CEP162: variants seen among roughly 807,000 people sequenced by gnomAD.
CEP162 encodes the protein centrosomal protein of 162 kDa.
CEP162 carries 141 observed loss-of-function variants against 169.2 expected under a neutral mutation model. The observed-to-expected ratio is 0.83, with a 90% CI of 0.73 to 0.96. CEP162 has a LOEUF of 0.96. CEP162 is among the 40% of genes least tolerant of loss of function. CEP162 has a pLI of 0.00. For synonymous variants in CEP162, 540 were observed against 526.4 expected (o/e 1.03, Z -0.35); for missense variants, 1,600 against 1,587.2 (o/e 1.01, Z -0.14).
At chr6:84,214,805 G>A (rs1322598274) in intron 5 of CEP162, among the ~76,000 whole-genome samples, 1 of 152,178 alleles carries the variant, frequency 6.6e-6, no homozygotes, top group Non-Finnish European at 1.5e-5. Flanking sequence ...ATAAAGAGAG[G>A]ACCAGTTCAG....
At chr6:84,216,584 A>C (rs2099551644) in intron 3 of CEP162, among the ~76,000 whole-genome samples, 1 of 152,200 alleles carries the variant, frequency 6.6e-6, no homozygotes, top group African/African-American at 2.4e-5. Flanking sequence ...CTCTAAGGCT[A>C]ATATATATTA....
At chr6:84,179,933 C>T (rs1380312685) in intron 13 of CEP162, among the ~76,000 whole-genome samples, 6 of 152,142 alleles carry the variant, frequency 3.9e-5, no homozygotes, top group African/African-American at 1.4e-4. Flanking sequence ...GAGCTGGTAC[C>T]ATTCCTTCTG....
chr6:84,164,214 G>A (rs2099526879), intron 18 of CEP162, among the ~76,000 whole-genome samples: 1 of 152,170 alleles, frequency 6.6e-6, no homozygotes, highest in African/African-American at 2.4e-5. Flanking sequence ...TGCTGGCAAG[G>A]ATGCGGAGAA....
In CEP162 at chr6:84,212,944, C is replaced by T; in HGVS notation, c.571+13G>A. 1 of 1,468,466 alleles carries T rather than the reference C, an allele frequency of 6.8e-7. No homozygotes were observed. The highest frequency in any genetic ancestry group is 2.5e-5 in the East Asian group (1 of 40,538). The allele number at this position is 1,468,466 out of a possible 1,614,324, so 91.0% of individuals were successfully genotyped here. A position where few individuals can be genotyped will look rare whatever the true frequency, so the allele number is the denominator to read the frequency against. On this transcript the variant is annotated intron_variant, in intron 6 of 26. Transcript: ENST00000403245. ...TTTTCAAATATTATAAATTTAAGAA[C>T]CAATGAAATTACCTGCCAGTTCTTC...
intron 25 of CEP162, among the ~76,000 whole-genome samples, chr6:84,145,582 TTTGTTATTTACATGTAATC>T (rs1185376942): frequency 1.3e-5 from 2 of 152,060 alleles, no homozygotes; most frequent in Non-Finnish European, 2.9e-5. Context: ...TCTCTGGGGT[TTTGTTATTTACATGTAATC>T]TGGTCTAGAT....
intron 20 of CEP162, 92 bp from the exon 21 acceptor site, chr6:84,161,008 T>G: frequency 1.2e-6 from 1 of 857,640 alleles, no homozygotes; most frequent in South Asian, 1.5e-5. Flanking sequence ...ACTCATACAT[T>G]TATTAATTCC....
At chr6:84,189,549 A>T (rs2099538829) in intron 11 of CEP162, among the ~76,000 whole-genome samples, 1 of 152,202 alleles carries the variant, frequency 6.6e-6, no homozygotes, top group Admixed American at 6.5e-5. Context: ...GTCCCCCAGC[A>T]GTGCTGGCCC....
At chr6:84,192,201 T>C (rs9449830) in intron 11 of CEP162, among the ~76,000 whole-genome samples, 9,278 of 152,270 alleles carry the variant, frequency 0.061, 921 homozygotes, top group African/African-American at 0.21. Flanking sequence ...ATTTACTCCA[T>C]AGTTTACCAA....
chr6:84,131,554 G>A (rs1277503061), intron 25 of CEP162, among the ~76,000 whole-genome samples: 1 of 152,174 alleles, frequency 6.6e-6, no homozygotes, highest in African/African-American at 2.4e-5. Context: ...TATATATTTA[G>A]GATAGTTAGC....
intron 20 of CEP162, 103 bp from the exon 21 acceptor site, chr6:84,161,019 T>C (rs1225665063): frequency 8.8e-6 from 7 of 793,534 alleles, no homozygotes. Flanking sequence ...TATTAATTCC[T>C]CAGCAAAATT....
At chr6:84,170,934 A>G (rs2099529861) in intron 17 of CEP162, among the ~76,000 whole-genome samples, 1 of 152,152 alleles carries the variant, frequency 6.6e-6, no homozygotes, top group Non-Finnish European at 1.5e-5. Context: ...GCAGCCCCTG[A>G]CCCGGCATAA....
chr6:84,207,077 G>A (rs532221393), intron 6 of CEP162, among the ~76,000 whole-genome samples: 2 of 152,322 alleles, frequency 1.3e-5, no homozygotes, highest in East Asian at 1.9e-4. Context: ...AACAACAGGT[G>A]CTGGAGAGGA....
intron 25 of CEP162, among the ~76,000 whole-genome samples, chr6:84,141,384 A>C (rs1179083531): frequency 6.6e-6 from 1 of 152,186 alleles, no homozygotes; most frequent in Non-Finnish European, 1.5e-5. Context: ...CAAAAGTCAG[A>C]CTAGACTTAA....
At chr6:84,219,573 T>C (rs1044470295) in intron 3 of CEP162, among the ~76,000 whole-genome samples, 4 of 152,176 alleles carry the variant, frequency 2.6e-5, no homozygotes, top group Admixed American at 2.0e-4. Flanking sequence ...TTTTCAAGCA[T>C]TAAAAGCAGG....
At chr6:84,200,759 G>C (rs769905893) in intron 9 of CEP162, 30 bp downstream of exon 9, 1 of 1,091,598 alleles carries the variant, frequency 9.2e-7, no homozygotes. Flanking sequence ...TCCATATTTA[G>C]AGAACAGTCA....
intron 23 of CEP162, among the ~76,000 whole-genome samples, chr6:84,152,004 A>C (rs1043713560): frequency 4.6e-5 from 7 of 152,194 alleles, no homozygotes; most frequent in Non-Finnish European, 8.8e-5. Flanking sequence ...AAAAGATCTG[A>C]GGATGTCAAA....
chr6:84,182,310 T>C (rs2099535214), intron 13 of CEP162, among the ~76,000 whole-genome samples: 1 of 152,104 alleles, frequency 6.6e-6, no homozygotes, highest in African/African-American at 2.4e-5. Flanking sequence ...AATAAGCATA[T>C]ATTAAGAATT....
intron 6 of CEP162, among the ~76,000 whole-genome samples, chr6:84,212,550 A>AG (rs2099549911): frequency 7.2e-5 from 11 of 152,084 alleles, no homozygotes; most frequent in Non-Finnish European, 4.4e-5. Flanking sequence ...GAATAGCTAA[A>AG]AAGCCAAAAT....
chr6:84,209,173 GA>G (rs1331728941), intron 6 of CEP162, among the ~76,000 whole-genome samples: 1 of 152,136 alleles, frequency 6.6e-6, no homozygotes, highest in African/African-American at 2.4e-5. Context: ...TTCAGCTGTA[GA>G]ACCACTGGCA....
Sources: allele counts gnomAD v4.1 joint callset (sites outside exome capture counted in the v4.1 genomes callset), GRCh38; gene constraint gnomAD v4.1.1; transcripts MANE v1.5; gene names NCBI Gene and HGNC (gene_info 2026-07-23, HGNC 2026-07-21).